Variants in RIMBP2 observed in about 807,000 individuals in gnomAD.
The protein encoded by RIMBP2 is RIMS-binding protein 2.
RIMBP2 carries 48 observed loss-of-function variants against 118.6 expected under a neutral mutation model. The ratio of observed to expected loss-of-function variants is 0.40; its 90% confidence interval spans 0.32 to 0.51. The LOEUF (loss-of-function observed/expected upper bound fraction) is 0.51. Ranked by LOEUF, RIMBP2 falls within the 20% of genes least tolerant of loss-of-function variation. The pLI, the probability that RIMBP2 is intolerant of heterozygous loss-of-function variation, is 0.41. For synonymous variants in RIMBP2, 762 were observed against 742.9 expected (o/e 1.03, Z -0.42); for missense variants, 1,551 against 1,768.3 (o/e 0.88, Z 2.20).
At chr12:130,543,455 C>A (rs998794404) in intron 2 of RIMBP2, among the ~76,000 whole-genome samples, 8 of 152,086 alleles carry the variant, frequency 5.3e-5, no homozygotes, top group Admixed American at 1.3e-4. Flanking sequence ...CTAGCCCATA[C>A]CAACCGTATT....
chr12:130,458,724 C>T (rs2079678570), intron 6 of RIMBP2, among the ~76,000 whole-genome samples: 1 of 105,804 alleles, frequency 9.5e-6, no homozygotes, highest in Non-Finnish European at 2.1e-5. Flanking sequence ...CACACCCATT[C>T]CCTAATGTCG....
chr12:130,559,974 C>T (rs565973072), intron 2 of RIMBP2, among the ~76,000 whole-genome samples: 1 of 152,280 alleles, frequency 6.6e-6, no homozygotes, highest in African/African-American at 2.4e-5. Context: ...CTCACTCTGC[C>T]CCCAGTTTAC....
intron 1 of RIMBP2, among the ~76,000 whole-genome samples, chr12:130,646,983 C>A (rs929857486): frequency 6.6e-6 from 1 of 152,210 alleles, no homozygotes; most frequent in African/African-American, 2.4e-5. Flanking sequence ...GCAATTCTCA[C>A]GGGACAGACA....
At chr12:130,601,335 CAAA>C (rs35127958) in intron 2 of RIMBP2, among the ~76,000 whole-genome samples, 2,345 of 62,736 alleles carry the variant, frequency 0.037, 37 homozygotes, top group African/African-American at 0.11. Flanking sequence ...AGAGGGCAGG[CAAA>C]AAAAAAAAAA....
rs894479539 is a variant in RIMBP2 at position 130,578,434 on chromosome 12, G to A, written c.-217+49888C>T. Among the ~76,000 whole-genome samples the A allele has an allele frequency of 6.6e-6, 1 of 152,120 alleles. No homozygotes were observed. Among genetic ancestry groups the A allele is most frequent in the African/African-American group, 2.4e-5 (1 of 41,412 alleles). ...GACATCCAAGACCTTCTGCAGCTTT[G>A]CCCCTGCCTCACCTGTCCAACCTCG... On this transcript the variant is annotated intron_variant, in intron 2 of 22. Coordinates refer to ENST00000690449, the MANE Select transcript of RIMBP2 (RefSeq NM_001393629.1). This position sits in a 1 kb window ranked among gnomAD's most constrained non-coding sequence, Gnocchi z 4.1.
chr12:130,571,209 G>A (rs551297094), intron 2 of RIMBP2, among the ~76,000 whole-genome samples: 4 of 142,712 alleles, frequency 2.8e-5, no homozygotes, highest in Admixed American at 7.0e-5. Context: ...ACTAGAGATG[G>A]GGGGGAGAGA....
chr12:130,698,330 G>A (rs1309566961), intron 1 of RIMBP2, among the ~76,000 whole-genome samples: 2 of 152,156 alleles, frequency 1.3e-5, no homozygotes, highest in Non-Finnish European at 1.5e-5. Context: ...AAGGCCGTCC[G>A]TCCCTGCTAC....
intron 2 of RIMBP2, among the ~76,000 whole-genome samples, chr12:130,531,262 T>C (rs1567994): frequency 0.83 from 126,949 of 152,196 alleles, 53,061 homozygotes; most frequent in East Asian, 0.97. Flanking sequence ...AAAGTACACA[T>C]ACCTGTATAA....
rs1428905282 is a variant in RIMBP2 at position 130,412,707 on chromosome 12, G to C, written c.3501C>G (p.Val1167=). ...CCTCATCATCTGCTTGTATCTCAGA[G>C]ACCATGTTACAAGGAATAAGGCCAA... ...ARLGLIPCNM[V]SEIQADDEEM... Residue 1167 remains valine, a synonymous_variant, in exon 19 of 23, where the codon GTC becomes GTG. Coordinates refer to ENST00000690449, the MANE Select transcript of RIMBP2 (RefSeq NM_001393629.1). 1.2e-6 allele frequency: 2 copies of C among 1,613,560 alleles called. No homozygotes were observed. The highest frequency in any genetic ancestry group is 1.7e-5 in the Admixed American group (1 of 59,954).
At chr12:130,463,266 TGCAGG>T (rs1183632707) in intron 6 of RIMBP2, among the ~76,000 whole-genome samples, 2 of 152,188 alleles carry the variant, frequency 1.3e-5, no homozygotes. Context: ...GCTGCAGGGA[TGCAGG>T]GACACACCCA....
At position 130,438,396 on chromosome 12, in the gene RIMBP2, G is replaced by C. The variant is rs1398175244; in HGVS notation, c.1625C>G (p.Thr542Ser). The change falls in exon 12 of 23, where the codon ACC (threonine) becomes AGC (serine). Residue 542 changes from threonine (T) to serine (S), a missense_variant. Around this residue, in one of 5 missense-constraint regions of RIMBP2, gnomAD observed 1,038 missense variants for 1,125.1 expected, o/e 0.92. Transcript: ENST00000690449. ...PTGLSNGANV[T>S]GYGVYAKGQR... Reference sequence around the variant, plus strand: ...CCCTTTGGCATACACGCCGTAGCCGGTAACGTTTGCGCCATTGGACAGCCC... The same window carrying C: ...CCCTTTGGCATACACGCCGTAGCCGCTAACGTTTGCGCCATTGGACAGCCC... The C allele has an allele frequency of 1.2e-6, 2 of 1,605,874 alleles. No homozygotes were observed. Among genetic ancestry groups the C allele is most frequent in the South Asian group, 2.2e-5 (2 of 90,992 alleles).
At chr12:130,664,389 G>GCACGCACGCACA (rs74184218) in intron 1 of RIMBP2, among the ~76,000 whole-genome samples, 2 of 82,544 alleles carry the variant, frequency 2.4e-5, no homozygotes, top group African/African-American at 4.2e-5. Flanking sequence ...GCACGCGCAT[G>GCACGCACGCACA]CACACACACG....
At chr12:130,428,517 ACTCT>A in intron 14 of RIMBP2, 180 bp from the exon 15 acceptor site, 1 of 541,922 alleles carries the variant, frequency 1.8e-6, no homozygotes, top group Non-Finnish European at 3.2e-6. Flanking sequence ...GGACACACCC[ACTCT>A]CTCTGTTGAA....
chr12:130,459,066 A>AAACAAAAC (rs2079735154), intron 6 of RIMBP2, among the ~76,000 whole-genome samples: 3 of 151,774 alleles, frequency 2.0e-5, no homozygotes, highest in Non-Finnish European at 1.5e-5. Flanking sequence ...AAAACAAAAA[A>AAACAAAAC]AAAGTGAATA....
chr12:130,399,566 G>C (rs909501254), intron 22 of RIMBP2, 113 bp downstream of exon 22: 4 of 1,232,618 alleles, frequency 3.2e-6, no homozygotes, highest in African/African-American at 3.0e-5. Flanking sequence ...AAAAAATTCA[G>C]GGTGTATTTA....
At chr12:130,561,180 A>G (rs1477947793) in intron 2 of RIMBP2, among the ~76,000 whole-genome samples, 1 of 152,108 alleles carries the variant, frequency 6.6e-6, no homozygotes, top group Non-Finnish European at 1.5e-5. Flanking sequence ...GAAAAAGCCA[A>G]CCCTGCCAAC....
At chr12:130,401,172 G>A (rs1484865673) in intron 21 of RIMBP2, among the ~76,000 whole-genome samples, 2 of 152,008 alleles carry the variant, frequency 1.3e-5, no homozygotes, top group African/African-American at 4.8e-5. Context: ...CTGAAGTGCA[G>A]TAGCGTGATC....
At chr12:130,401,937 C>T (rs932459855) in intron 21 of RIMBP2, among the ~76,000 whole-genome samples, 2 of 152,126 alleles carry the variant, frequency 1.3e-5, no homozygotes, top group African/African-American at 2.4e-5. Flanking sequence ...CCACAAGAGG[C>T]GTGTGTACCC....
chr12:130,414,373 G>A (rs1317019557), intron 17 of RIMBP2, 67 bp from the exon 18 acceptor site: 10 of 1,471,224 alleles, frequency 6.8e-6, no homozygotes, highest in Non-Finnish European at 3.7e-6. Context: ...CACGGGAAAT[G>A]CAGCTTTGGA....
Sources: gnomAD v4.1 joint callset for allele counts (sites outside exome capture counted in the v4.1 genomes callset) on GRCh38, gnomAD v4.1.1 for gene constraint, gnomAD v4.1.1 regional missense constraint, Gnocchi (gnomAD v3.1) non-coding constraint, MANE v1.5 for transcripts, NCBI Gene and HGNC (gene_info 2026-07-23, HGNC 2026-07-21) for gene names.